ILRUN: variants seen among roughly 807,000 people sequenced by gnomAD.
The protein encoded by ILRUN is inflammation and lipid regulator with UBA-like and NBR1-like domains.
Under a neutral mutation model 33.8 loss-of-function variants are expected in ILRUN, and 3 were observed. That is an observed-to-expected ratio of 0.09 (90% confidence interval 0.04 to 0.23). The LOEUF (loss-of-function observed/expected upper bound fraction) is 0.23, where lower values mean the gene tolerates loss of function less well. Ranked by LOEUF, ILRUN falls within the 10% of genes least tolerant of loss-of-function variation. The pLI is 1.00. For synonymous variants in ILRUN, 124 were observed against 138.9 expected (o/e 0.89, Z 0.75); for missense variants, 210 against 375.1 (o/e 0.56, Z 3.64).
chr6:34,607,413 C>T (rs1054473845), intron 3 of ILRUN, among the ~76,000 whole-genome samples: 12 of 152,132 alleles, frequency 7.9e-5, no homozygotes, highest in Non-Finnish European at 1.6e-4. Context: ...TTAATAATTA[C>T]GCCAGGACCA....
At chr6:34,672,422 G>A (rs1763136989) in intron 1 of ILRUN, among the ~76,000 whole-genome samples, 1 of 151,974 alleles carries the variant, frequency 6.6e-6, no homozygotes, top group African/African-American at 2.4e-5. Context: ...TCTTAAATAG[G>A]AGTACGTAGT....
chr6:34,603,748 T>C, intron 4 of ILRUN, among the ~76,000 whole-genome samples: 1 of 152,252 alleles, frequency 6.6e-6, no homozygotes, highest in Non-Finnish European at 1.5e-5. Flanking sequence ...TGCTCTCTAA[T>C]TGCTTTGTGC....
chr6:34,653,841 C>T (rs567305920), intron 2 of ILRUN, among the ~76,000 whole-genome samples: 116 of 151,914 alleles, frequency 7.6e-4, no homozygotes, highest in Non-Finnish European at 1.3e-3. Flanking sequence ...CAGTAGTGCA[C>T]GCCTGTGGAC....
chr6:34,636,068 G>A lies in ILRUN; in HGVS notation c.511+10533C>T, dbSNP rs563250683. ...GGCCAGGAATTATAGACCAACCCTGGCAATGCAGTGAGACCCCAGCTCCAC... is the reference window on the plus strand; with the variant it reads ...GGCCAGGAATTATAGACCAACCCTGACAATGCAGTGAGACCCCAGCTCCAC... On this transcript the variant is annotated intron_variant, in intron 3 of 4. Transcript: ENST00000374023. Among the ~76,000 whole-genome samples, 9 of 152,122 alleles carry A rather than the reference G, an allele frequency of 5.9e-5. No individual in the cohort carries two copies. In the South Asian group the frequency reaches 1.5e-3, roughly 25 times the overall value.
intron 1 of ILRUN, among the ~76,000 whole-genome samples, chr6:34,693,416 A>T (rs1354121200): frequency 6.7e-6 from 1 of 148,632 alleles, no homozygotes; most frequent in African/African-American, 2.5e-5. Context: ...GTGCAGTGGC[A>T]TGATCACGGC....
At chr6:34,609,495 A>G (rs930145137) in intron 3 of ILRUN, among the ~76,000 whole-genome samples, 1 of 152,102 alleles carries the variant, frequency 6.6e-6, no homozygotes, top group Non-Finnish European at 1.5e-5. Flanking sequence ...ATCTCAAAAA[A>G]AAAAGGTGGG....
intron 3 of ILRUN, among the ~76,000 whole-genome samples, chr6:34,636,993 A>G (rs918755863): frequency 3.6e-4 from 55 of 152,256 alleles, no homozygotes; most frequent in African/African-American, 1.3e-3. Flanking sequence ...CTTTTTATTC[A>G]TTTTTAATAT....
chr6:34,690,916 T>C (rs1763636278), intron 1 of ILRUN, among the ~76,000 whole-genome samples: 1 of 152,064 alleles, frequency 6.6e-6, no homozygotes, highest in African/African-American at 2.4e-5. Flanking sequence ...ACAGGAAAAG[T>C]TGGAATAAAC....
At chr6:34,610,309 G>C (rs1301296102) in intron 3 of ILRUN, among the ~76,000 whole-genome samples, 1 of 152,204 alleles carries the variant, frequency 6.6e-6, no homozygotes, top group Non-Finnish European at 1.5e-5. Context: ...GCCAGGAATA[G>C]TGGGTCAGAG....
At chr6:34,622,045 G>A (rs887153649) in intron 3 of ILRUN, among the ~76,000 whole-genome samples, 8 of 152,090 alleles carry the variant, frequency 5.3e-5, no homozygotes, top group Non-Finnish European at 1.0e-4. Context: ...GCATATCCAC[G>A]TGCAAAAGAA....
intron 1 of ILRUN, among the ~76,000 whole-genome samples, chr6:34,672,909 T>C (rs2395598): frequency 0.45 from 67,778 of 151,904 alleles, 17,142 homozygotes; most frequent in African/African-American, 0.7. Flanking sequence ...AGAAAATGAA[T>C]GCTGAAATGC....
At chr6:34,649,739 A>G (rs1277243123) in intron 2 of ILRUN, among the ~76,000 whole-genome samples, 1 of 152,184 alleles carries the variant, frequency 6.6e-6, no homozygotes, top group Non-Finnish European at 1.5e-5. Context: ...TAACCCTTAT[A>G]AGTGTGGACA....
chr6:34,696,711 C>A lies in ILRUN; in HGVS notation c.-108G>T. 1 of 1,258,966 alleles carries A rather than the reference C, an allele frequency of 7.9e-7. No homozygotes were observed. The highest frequency in any genetic ancestry group is 1.1e-6 in the Non-Finnish European group (1 of 913,312). The allele number at this position is 1,258,966 out of a possible 1,614,324, so 78.0% of individuals were successfully genotyped here. A position where few individuals can be genotyped will look rare whatever the true frequency, so the allele number is the denominator to read the frequency against. On this transcript the variant is annotated 5_prime_UTR_variant, in exon 1 of 5. Coordinates refer to ENST00000374023, the MANE Select transcript of ILRUN (RefSeq NM_024294.4). The stretch of plus-strand genomic sequence containing the variant: ...CCGCTGCTAGCTAGCTTCGCGACCC[C>A]GCTCCTTTGAGGTAGGCCCCGGGCC...
intron 1 of ILRUN, among the ~76,000 whole-genome samples, chr6:34,675,298 AAAC>A (rs1763204725): frequency 6.6e-6 from 1 of 152,060 alleles, no homozygotes; most frequent in Non-Finnish European, 1.5e-5. Flanking sequence ...TAAAAAGCAA[AAAC>A]AACAACAAAA....
chr6:34,691,648 T>C (rs1763652413), intron 1 of ILRUN, among the ~76,000 whole-genome samples: 1 of 152,004 alleles, frequency 6.6e-6, no homozygotes, highest in African/African-American at 2.4e-5. Flanking sequence ...ATACAAAAAT[T>C]AGCCAGGTGT....
chr6:34,667,909 A>T (rs1252975652), intron 1 of ILRUN, among the ~76,000 whole-genome samples: 1 of 152,152 alleles, frequency 6.6e-6, no homozygotes, highest in Non-Finnish European at 1.5e-5. Context: ...ATCCTGCATT[A>T]AAAAAAGGAA....
At chr6:34,672,558 AT>A (rs1241082242) in intron 1 of ILRUN, among the ~76,000 whole-genome samples, 3 of 151,964 alleles carry the variant, frequency 2.0e-5, no homozygotes, top group African/African-American at 2.4e-5. Flanking sequence ...TTTAAAAAAA[AT>A]TTTTTTTAAA....
chr6:34,602,784 CTTCT>C (rs1489609875), intron 4 of ILRUN, among the ~76,000 whole-genome samples: 1 of 152,170 alleles, frequency 6.6e-6, no homozygotes, highest in Non-Finnish European at 1.5e-5. Context: ...TTTCTGACTC[CTTCT>C]GACAGCTCTC....
At chr6:34,673,368 T>A (rs1763155562) in intron 1 of ILRUN, among the ~76,000 whole-genome samples, 1 of 152,102 alleles carries the variant, frequency 6.6e-6, no homozygotes, top group East Asian at 1.9e-4. Context: ...ACAGAACACC[T>A]ACAGTGTCAT....
Sources: gnomAD v4.1 joint callset for allele counts (sites outside exome capture counted in the v4.1 genomes callset) on GRCh38, gnomAD v4.1.1 for gene constraint, MANE v1.5 for transcripts, NCBI Gene and HGNC (gene_info 2026-07-23, HGNC 2026-07-21) for gene names.